ARAP2: variants seen among roughly 807,000 people sequenced by gnomAD.
ARAP2 encodes the protein ArfGAP with RhoGAP domain, ankyrin repeat and PH domain 2, also known as arf-GAP with Rho-GAP domain, ANK repeat and PH domain-containing protein 2.
Under a neutral mutation model 194.5 loss-of-function variants are expected in ARAP2, and 148 were observed. The observed-to-expected ratio is 0.76, with a 90% CI of 0.67 to 0.87. The LOEUF is 0.87. Ranked by LOEUF, ARAP2 falls within the 40% of genes least tolerant of loss-of-function variation. The pLI, the probability that ARAP2 is intolerant of heterozygous loss-of-function variation, is 0.00. For synonymous variants in ARAP2, 695 were observed against 683.5 expected, an observed-to-expected ratio of 1.02 and a Z score of -0.26; for missense variants, 2,128 against 1,989.7, an observed-to-expected ratio of 1.07 and a Z score of -1.32.
intron 15 of ARAP2, among the ~76,000 whole-genome samples, chr4:36,156,598 T>C (rs1560550782): frequency 6.6e-6 from 1 of 151,916 alleles, no homozygotes; most frequent in Non-Finnish European, 1.5e-5. Context: ...AGAAAGACAA[T>C]TAAGGAAGGC....
Position 36,124,954 on chromosome 4 carries a change from G to A in ARAP2, c.3654C>T (p.Asp1218=). Residue 1218 remains aspartate (D), a synonymous_variant, in exon 22 of 33, where the codon GAC becomes GAT. Coordinates refer to ENST00000303965, the MANE Select transcript of ARAP2 (RefSeq NM_015230.4). ...CTCCATATTTTTTAATTCTTTCCTT[G>A]TCATCTTGCGTATCTGAAGGGGAAA... ...YWISALDTQD[D]KERIKKYGAF... The A allele has an allele frequency of 6.2e-7, 1 of 1,605,278 alleles. No individual in the cohort carries two copies. Among genetic ancestry groups the A allele is most frequent in the South Asian group, 1.1e-5 (1 of 90,314 alleles).
At chr4:36,109,841 A>AC (rs1387222080) in intron 26 of ARAP2, among the ~76,000 whole-genome samples, 1 of 79,628 alleles carries the variant, frequency 1.3e-5, no homozygotes, top group African/African-American at 5.1e-5. Flanking sequence ...TAGGTATATC[A>AC]CCTAATGCTA....
At chr4:36,046,172 T>G (rs893796510) in intron 4 of ARAP2, 7 of 152,720 alleles carry the variant, frequency 4.6e-5, no homozygotes, top group Admixed American at 3.9e-4. Flanking sequence ...AGTGAGCTCC[T>G]GACCAGTATT....
At chr4:36,215,730 T>C (rs142782066) in intron 2 of ARAP2, among the ~76,000 whole-genome samples, 287 of 152,220 alleles carry the variant, frequency 1.9e-3, no homozygotes, top group Admixed American at 4.6e-3. Context: ...TCACCTCTGG[T>C]CCCAGCAACT....
chr4:36,077,160 C>A (rs2109331033), intron 31 of ARAP2, among the ~76,000 whole-genome samples: 1 of 152,174 alleles, frequency 6.6e-6, no homozygotes, highest in African/African-American at 2.4e-5. Flanking sequence ...CCCTTCTCTG[C>A]CAGCCAAATG....
chr4:36,126,482 T>C (rs753980060), intron 21 of ARAP2, among the ~76,000 whole-genome samples: 1 of 152,020 alleles, frequency 6.6e-6, no homozygotes, highest in African/African-American at 2.4e-5. Flanking sequence ...GAACAGATCA[T>C]ATGTCATATA....
At chr4:36,199,484 G>T (rs1262156137) in intron 6 of ARAP2, among the ~76,000 whole-genome samples, 1 of 152,096 alleles carries the variant, frequency 6.6e-6, no homozygotes. Flanking sequence ...TAGAGACAGG[G>T]TTTCACCATA....
At chr4:36,104,895 T>A (rs986921189) in intron 27 of ARAP2, among the ~76,000 whole-genome samples, 3 of 152,026 alleles carry the variant, frequency 2.0e-5, no homozygotes, top group African/African-American at 7.2e-5. Flanking sequence ...AAATCACTAT[T>A]TTTTTCATGC....
intron 3 of ARAP2, among the ~76,000 whole-genome samples, chr4:36,050,917 C>A (rs1339448609): frequency 2.0e-5 from 3 of 152,208 alleles, no homozygotes; most frequent in Admixed American, 1.3e-4. Context: ...GACTTACAAA[C>A]ATGAGTTATT....
chr4:36,098,826 G>A (rs1179394652), intron 27 of ARAP2, among the ~76,000 whole-genome samples: 1 of 151,710 alleles, frequency 6.6e-6, no homozygotes, highest in Non-Finnish European at 1.5e-5. Context: ...TAAACTCCAA[G>A]ATGTAATATC....
chr4:36,018,492 AT>A (rs1716298803), intron 6 of ARAP2, among the ~76,000 whole-genome samples: 1 of 151,300 alleles, frequency 6.6e-6, no homozygotes, highest in South Asian at 2.1e-4. Flanking sequence ...ATGTATGTTT[AT>A]TAGAACTGCC....
In ARAP2 at chr4:36,205,081, T is replaced by C. The variant is rs138327569; in HGVS notation, c.1487+5309A>G. On this transcript the variant is annotated intron_variant, in intron 6 of 32. Coordinates refer to ENST00000303965, the MANE Select transcript of ARAP2 (RefSeq NM_015230.4). ...TTCAAGAAAAACTAAACATTGTCAA[T>C]GAAAAAAATTAATCATACTATGCTA... 4.4e-4 allele frequency among the ~76,000 whole-genome samples: 59 copies of C among 134,730 alleles called. No homozygotes were observed. The East Asian group carries it at 0.012, about 28-fold the overall frequency. The allele number at this position is 134,730 out of a possible 152,430, so 88.4% of individuals were successfully genotyped here.
In ARAP2 at chr4:36,171,813, A is replaced by T. The variant is rs558737828; in HGVS notation, c.1858-4766T>A. ...CATAGTATCTATTTAAAACTTAATT[A>T]CAAAAAAAAAGTCCTGTCCAAAAAT... On this transcript the variant is annotated intron_variant, in intron 9 of 32. Transcript: ENST00000303965. 3.3e-3 allele frequency among the ~76,000 whole-genome samples: 505 copies of T among 152,268 alleles called. 3 individuals are homozygous for T. The highest frequency in any genetic ancestry group is 0.012 in the African/African-American group (478 of 41,556).
rs1716441476 is a variant in ARAP2, at chr4:36,019,180, A to G, written n.714T>C. The stretch of plus-strand genomic sequence containing the variant: ...TACTGTTCACTTGTTTTCATCTTTA[A>G]TTATGCTTGGTTCAGTAGTAGAATA... On this transcript the variant is annotated non_coding_transcript_exon_variant, in exon 6 of 13. Transcript: ENST00000503225. 3 of 149,544 alleles carry G rather than the reference A, an allele frequency of 2.0e-5. No homozygotes were observed. The South Asian group carries it at 6.2e-4, about 31-fold the overall frequency. 9.3% of individuals were successfully genotyped at this position (149,544 alleles called of 1,614,324 possible).
At position 36,161,532 on chromosome 4, in the gene ARAP2, C is replaced by A. The variant is rs775423751; in HGVS notation, c.2192G>T (p.Gly731Val). The change falls in exon 12 of 33, where the codon GGA becomes GTA. Residue 731 changes from glycine (G) to valine (V), a missense_variant. Transcript: ENST00000303965. ...ACTTCTAACCTTGGAATCTTTTGGT[C>A]CTAAAGATCTATGCTGTCCTAGAGT... is the stretch of plus-strand genomic sequence containing the variant. ...KKCAGQHRSL[G>V]PKDSKVRSLK... 6.2e-7 allele frequency: 1 copy of A among 1,613,636 alleles called. No individual in the cohort carries two copies. The highest frequency in any genetic ancestry group is 8.5e-7 in the Non-Finnish European group (1 of 1,179,638).
At chr4:36,207,427 G>T (rs2109255648) in intron 6 of ARAP2, among the ~76,000 whole-genome samples, 1 of 152,168 alleles carries the variant, frequency 6.6e-6, no homozygotes, top group Non-Finnish European at 1.5e-5. Context: ...TTATATTTAG[G>T]TCAATCAAAT....
intron 5 of ARAP2, among the ~76,000 whole-genome samples, chr4:36,027,948 A>G (rs1047556408): frequency 6.6e-6 from 1 of 152,154 alleles, no homozygotes; most frequent in African/African-American, 2.4e-5. Flanking sequence ...TCAGGAACCA[A>G]TGGGACCACT....
chr4:36,051,391 C>T (rs560761917), intron 3 of ARAP2, among the ~76,000 whole-genome samples: 2 of 152,036 alleles, frequency 1.3e-5, no homozygotes, highest in Admixed American at 6.6e-5. Context: ...GCAGGAGAAT[C>T]GCTTGAACCC....
At chr4:36,144,617 C>T (rs1729177937) in intron 19 of ARAP2, among the ~76,000 whole-genome samples, 1 of 151,894 alleles carries the variant, frequency 6.6e-6, no homozygotes, top group Admixed American at 6.6e-5. Flanking sequence ...AATATGCTCG[C>T]TGTATAAAGC....
Sources: allele counts gnomAD v4.1 joint callset (sites outside exome capture counted in the v4.1 genomes callset), GRCh38; gene constraint gnomAD v4.1.1; transcripts MANE v1.5; gene names NCBI Gene and HGNC (gene_info 2026-07-23, HGNC 2026-07-21).